Variants in YEATS2 observed in about 807,000 individuals in gnomAD.
YEATS2 encodes the protein YEATS domain-containing protein 2.
Under a neutral mutation model 163.2 loss-of-function variants are expected in YEATS2, and 77 were observed. The observed-to-expected ratio is 0.47, with a 90% CI of 0.39 to 0.57. The LOEUF is 0.57. YEATS2 is among the 20% of genes least tolerant of loss of function. YEATS2 has a pLI of 0.00. For synonymous variants in YEATS2, 631 were observed against 645.1 expected, an observed-to-expected ratio of 0.98 and a Z score of 0.33; for missense variants, 1,549 against 1,729.8, an observed-to-expected ratio of 0.90 and a Z score of 1.85.
intron 5 of YEATS2, among the ~76,000 whole-genome samples, 188 bp downstream of exon 5, chr3:183,722,324 T>C (rs1257785021): frequency 4.7e-4 from 65 of 138,200 alleles, no homozygotes; most frequent in Non-Finnish European, 1.2e-4. Flanking sequence ...AGTTTTGCTC[T>C]GTTGCCCAGG....
chr3:183,781,594 A>G (rs556677372), intron 19 of YEATS2, among the ~76,000 whole-genome samples: 10 of 152,346 alleles, frequency 6.6e-5, no homozygotes, highest in East Asian at 1.9e-4. Context: ...ATTAAAACCT[A>G]TGGAAACAAC....
chr3:183,791,607 A>G (rs985534137), intron 21 of YEATS2, among the ~76,000 whole-genome samples: 1 of 152,182 alleles, frequency 6.6e-6, no homozygotes, highest in African/African-American at 2.4e-5. Context: ...TGCTTTCCTT[A>G]AAGTACTAAT....
intron 7 of YEATS2, among the ~76,000 whole-genome samples, chr3:183,732,679 C>T (rs999291772): frequency 1.3e-5 from 2 of 151,754 alleles, no homozygotes; most frequent in Admixed American, 6.6e-5. Flanking sequence ...CCTGCCTCAG[C>T]CTCCTGAGTA....
chr3:183,726,886 C>T (rs1240101402), intron 6 of YEATS2, among the ~76,000 whole-genome samples: 1 of 152,192 alleles, frequency 6.6e-6, no homozygotes, highest in South Asian at 2.1e-4. Context: ...ACTGTACCCT[C>T]CACCTCCAGG....
At chr3:183,752,739 T>C (rs537086516) in intron 10 of YEATS2, among the ~76,000 whole-genome samples, 1 of 151,586 alleles carries the variant, frequency 6.6e-6, no homozygotes, top group South Asian at 2.1e-4. Context: ...CCATGAAGTT[T>C]TACTGACATA....
At chr3:183,807,201 A>G (rs1726304689) in intron 28 of YEATS2, 109 bp downstream of exon 28, 2 of 994,890 alleles carry the variant, frequency 2.0e-6, no homozygotes, top group South Asian at 1.6e-5. Flanking sequence ...ACAGACACAG[A>G]CTCAGACCCA....
Position 183,810,695 on chromosome 3 carries a change from C to A in YEATS2, c.*112C>A. On this transcript the variant is annotated 3_prime_UTR_variant, in exon 31 of 31. Transcript: ENST00000305135. The stretch of plus-strand genomic sequence containing the variant: ...TCCAGTGTGACTCGGCATGTCATGG[C>A]TACCCAACCTTTGCCGCTGCCTGTT... 2.1e-6 allele frequency: 2 copies of A among 938,266 alleles called. No individual in the cohort carries two copies. Among genetic ancestry groups the A allele is most frequent in the Non-Finnish European group, 3.3e-6 (2 of 603,280 alleles). 58.1% of individuals were successfully genotyped at this position (938,266 alleles called of 1,614,324 possible).
At chr3:183,789,107 G>A (rs555280301) in intron 20 of YEATS2, among the ~76,000 whole-genome samples, 1 of 152,054 alleles carries the variant, frequency 6.6e-6, no homozygotes, top group Admixed American at 6.6e-5. Flanking sequence ...TTTCTTTGCT[G>A]TGCAGAAGCT....
intron 1 of YEATS2, among the ~76,000 whole-genome samples, chr3:183,704,704 A>C (rs1385044935): frequency 6.6e-6 from 1 of 151,582 alleles, no homozygotes; most frequent in Non-Finnish European, 1.5e-5. Flanking sequence ...ATTTCGGCTC[A>C]CTGCAACCTC....
chr3:183,723,088 C>T (rs901185971), intron 5 of YEATS2, among the ~76,000 whole-genome samples: 5 of 152,210 alleles, frequency 3.3e-5, no homozygotes, highest in Admixed American at 6.5e-5. Context: ...TCAACTCTGT[C>T]GTGTTTATTC....
At chr3:183,778,244 G>T (rs1157473813) in intron 19 of YEATS2, among the ~76,000 whole-genome samples, 2 of 152,044 alleles carry the variant, frequency 1.3e-5, no homozygotes, top group Non-Finnish European at 2.9e-5. Flanking sequence ...ATTCTCATAT[G>T]CAAACACTTA....
At chr3:183,786,442 C>A (rs750230984) in intron 20 of YEATS2, 141 bp downstream of exon 20, 2 of 791,684 alleles carry the variant, frequency 2.5e-6, no homozygotes, top group East Asian at 5.5e-5. Flanking sequence ...TATTCACATA[C>A]CATAAAAGTC....
chr3:183,731,572 T>G (rs1204137233), intron 7 of YEATS2, among the ~76,000 whole-genome samples: 1 of 152,240 alleles, frequency 6.6e-6, no homozygotes, highest in Non-Finnish European at 1.5e-5. Context: ...TTTATGAGAT[T>G]TATTTGCTAA....
chr3:183,756,392 C>A, intron 11 of YEATS2, 136 bp from the exon 12 acceptor site: 1 of 732,490 alleles, frequency 1.4e-6, no homozygotes, highest in Non-Finnish European at 2.2e-6. Flanking sequence ...GTACCGGGAG[C>A]ACGCAGTATC....
chr3:183,789,905 C>A (rs1724445557), intron 20 of YEATS2, among the ~76,000 whole-genome samples: 1 of 152,044 alleles, frequency 6.6e-6, no homozygotes, highest in Non-Finnish European at 1.5e-5. Context: ...ATGTAAATAT[C>A]CAGTTGGCCT....
intron 16 of YEATS2, 56 bp from the exon 17 acceptor site, chr3:183,773,577 G>A (rs1382101252): frequency 6.8e-7 from 1 of 1,476,660 alleles, no homozygotes; most frequent in Non-Finnish European, 9.1e-7. Flanking sequence ...TTTAATTTTA[G>A]AGTGTTGCCC....
chr3:183,710,771 G>A (rs1460264327), intron 1 of YEATS2, among the ~76,000 whole-genome samples: 1 of 151,998 alleles, frequency 6.6e-6, no homozygotes, highest in African/African-American at 2.4e-5. Context: ...CATTTTAGTG[G>A]GAGCCACCGT....
intron 1 of YEATS2, among the ~76,000 whole-genome samples, chr3:183,705,761 T>A (rs1358657692): frequency 2.6e-5 from 4 of 152,202 alleles, no homozygotes; most frequent in Admixed American, 2.6e-4. Context: ...CATTTATGGC[T>A]GGGCGCAGTG....
intron 20 of YEATS2, among the ~76,000 whole-genome samples, chr3:183,789,947 C>T (rs1047112713): frequency 2.0e-5 from 3 of 152,160 alleles, no homozygotes; most frequent in African/African-American, 4.8e-5. Context: ...ATCTCTCAAT[C>T]GTCTTGGAAG....
Sources: allele counts gnomAD v4.1 joint callset (sites outside exome capture counted in the v4.1 genomes callset), GRCh38; gene constraint gnomAD v4.1.1; transcripts MANE v1.5; gene names NCBI Gene and HGNC (gene_info 2026-07-23, HGNC 2026-07-21).